EMSY: variants seen among roughly 807,000 people sequenced by gnomAD.
The protein encoded by EMSY is BRCA2-interacting transcriptional repressor EMSY.
Under a neutral mutation model 134.6 loss-of-function variants are expected in EMSY, and 26 were observed. The ratio of observed to expected loss-of-function variants is 0.19; its 90% confidence interval spans 0.14 to 0.27. EMSY has a LOEUF of 0.27. EMSY is among the 10% of genes least tolerant of loss of function. The pLI is 1.00. For synonymous variants in EMSY, 579 were observed against 577.8 expected (o/e 1.00, Z -0.03); for missense variants, 1,305 against 1,611.4 (o/e 0.81, Z 3.26).
chr11:76,488,347 T>C (rs1042659719), intron 8 of EMSY, among the ~76,000 whole-genome samples: 1 of 152,142 alleles, frequency 6.6e-6, no homozygotes, highest in African/African-American at 2.4e-5. Flanking sequence ...ACACCTGTAA[T>C]CGTAGCTACT....
At chr11:76,544,413 G>T in exon 19 of EMSY, 1 of 1,614,086 alleles carries the variant, frequency 6.2e-7, no homozygotes, top group Non-Finnish European at 8.5e-7. Flanking sequence ...CAGAAACTTA[G>T]CCAGCCCCCG....
intron 7 of EMSY, among the ~76,000 whole-genome samples, chr11:76,466,429 T>C (rs1014856377): frequency 6.6e-6 from 1 of 152,222 alleles, no homozygotes; most frequent in Non-Finnish European, 1.5e-5. Context: ...TTCCAAACTT[T>C]ATAGCTGTTG....
intron 18 of EMSY, among the ~76,000 whole-genome samples, chr11:76,543,764 G>C (rs1951533341): frequency 6.6e-6 from 1 of 152,104 alleles, no homozygotes; most frequent in Non-Finnish European, 1.5e-5. Context: ...TCCATGCAGG[G>C]GGCTCTCTGT....
chr11:76,516,150 G>A (rs1046280053), exon 11 of EMSY: 2 of 1,610,604 alleles, frequency 1.2e-6, no homozygotes, highest in African/African-American at 1.3e-5. Context: ...AGGCACACAA[G>A]CAACCTATAC....
intron 7 of EMSY, among the ~76,000 whole-genome samples, chr11:76,469,469 G>A (rs1008094232): frequency 1.3e-5 from 2 of 152,192 alleles, no homozygotes; most frequent in African/African-American, 4.8e-5. Flanking sequence ...AAAAAAATAA[G>A]AGAAGTTTTA....
intron 11 of EMSY, among the ~76,000 whole-genome samples, chr11:76,519,782 A>G (rs190029936): frequency 9.6e-4 from 146 of 152,292 alleles, no homozygotes; most frequent in African/African-American, 3.4e-3. Context: ...AAAAAATAAG[A>G]ATGCCTGGAA....
intron 4 of EMSY, chr11:76,454,788 C>T (rs1158948094): frequency 6.8e-7 from 1 of 1,463,706 alleles, no homozygotes; most frequent in South Asian, 1.2e-5. Flanking sequence ...GACCAAGTTA[C>T]AGGTATGCAA....
chr11:76,462,238 CATAAATAAATAA>C (rs558456923), intron 6 of EMSY, among the ~76,000 whole-genome samples: 2 of 152,014 alleles, frequency 1.3e-5, no homozygotes, highest in African/African-American at 4.8e-5. Context: ...GACTCCATCT[CATAAATAAATAA>C]ATAAATAAAT....
intron 18 of EMSY, among the ~76,000 whole-genome samples, chr11:76,543,901 G>A (rs907918470): frequency 6.6e-5 from 10 of 152,126 alleles, no homozygotes; most frequent in Admixed American, 2.0e-4. Context: ...CTTGGTTACC[G>A]CTTTTAGAGA....
chr11:76,495,633 A>G (rs531769050), intron 8 of EMSY, among the ~76,000 whole-genome samples: 2 of 152,266 alleles, frequency 1.3e-5, no homozygotes, highest in African/African-American at 2.4e-5. Flanking sequence ...AACTTTTCAT[A>G]TGATTATTTA....
chr11:76,487,970 C>G (rs149602913), intron 8 of EMSY, among the ~76,000 whole-genome samples: 13 of 152,296 alleles, frequency 8.5e-5, no homozygotes, highest in Non-Finnish European at 1.9e-4. Context: ...TATGCATTAT[C>G]TTTCCCCTTC....
chr11:76,513,239 A>G lies in EMSY; in HGVS notation c.1364-147A>G, dbSNP rs967026235. ...TAAGAAAGATAGGAATTTGAGGAATAAAAGTTTAGAGTTTCATCAGTATTA... is the reference window on the plus strand; with the variant it reads ...TAAGAAAGATAGGAATTTGAGGAATGAAAGTTTAGAGTTTCATCAGTATTA... On this transcript the variant is annotated intron_variant, in intron 9 of 20. Transcript: ENST00000334736. 32 of 571,232 alleles carry G rather than the reference A, an allele frequency of 5.6e-5. No homozygotes were observed. The African/African-American group carries it at 6.0e-4, about 11-fold the overall frequency. 35.4% of individuals were successfully genotyped at this position (571,232 alleles called of 1,614,324 possible). A position where few individuals can be genotyped will look rare whatever the true frequency, so the allele number is the denominator to read the frequency against.
At chr11:76,447,068 A>G in intron 2 of EMSY, 60 bp downstream of exon 2, 1 of 1,519,358 alleles carries the variant, frequency 6.6e-7, no homozygotes. Flanking sequence ...CTTTCTGCCT[A>G]GGTCATAGCT....
intron 20 of EMSY, 72 bp from the exon 22 acceptor site, chr11:76,549,880 C>A (rs200165356): frequency 1.4e-4 from 106 of 748,354 alleles, no homozygotes; most frequent in Non-Finnish European, 1.8e-4. Context: ...TTTTTTTTTT[C>A]TTGATATTGT....
At chr11:76,452,993 A>C (rs1212991468) in intron 3 of EMSY, among the ~76,000 whole-genome samples, 3 of 152,204 alleles carry the variant, frequency 2.0e-5, no homozygotes, top group Non-Finnish European at 2.9e-5. Context: ...GCATGTTTAG[A>C]TAGCAGGAAG....
intron 9 of EMSY, chr11:76,496,754 C>T (rs1323689430): frequency 2.4e-6 from 1 of 414,954 alleles, no homozygotes. Flanking sequence ...TATCCTTTGA[C>T]CTTGCTGAAC....
intron 15 of EMSY, among the ~76,000 whole-genome samples, chr11:76,537,055 T>G (rs189388826): frequency 6.6e-6 from 1 of 152,340 alleles, no homozygotes; most frequent in Non-Finnish European, 1.5e-5. Flanking sequence ...TTAATCCTTC[T>G]GTCGGTGTTA....
chr11:76,523,046 A>T (rs1194271489), intron 11 of EMSY, 109 bp from the exon 13 acceptor site: 2 of 1,114,418 alleles, frequency 1.8e-6, no homozygotes, highest in Admixed American at 5.3e-5. Flanking sequence ...CTTTCATGTC[A>T]TCTAGGAATG....
intron 18 of EMSY, 118 bp from the exon 20 acceptor site, chr11:76,544,141 T>A (rs970916492): frequency 1.9e-6 from 2 of 1,076,756 alleles, no homozygotes; most frequent in Admixed American, 2.9e-5. Flanking sequence ...TCTTGGCCTT[T>A]CTAGGTTCTT....
Sources: allele counts gnomAD v4.1 joint callset (sites outside exome capture counted in the v4.1 genomes callset), GRCh38; gene constraint gnomAD v4.1.1; transcripts MANE v1.5; gene names NCBI Gene and HGNC (gene_info 2026-07-23, HGNC 2026-07-21).